The following SHISA9 variants were observed in gnomAD, a reference collection of about 807,000 sequenced individuals.
SHISA9 encodes protein shisa-9.
Under a neutral mutation model 38.0 loss-of-function variants are expected in SHISA9, and 13 were observed. That is an observed-to-expected ratio of 0.34 (90% CI 0.22 to 0.54). SHISA9 has a LOEUF of 0.54. Among genes scored for constraint, SHISA9 ranks in the 20% least tolerant of loss-of-function variants. The probability of loss-of-function intolerance (pLI) is 0.91; values close to 1 mark genes in which losing one functional copy is unlikely to be tolerated. For missense variants in SHISA9, 538 were observed against 575.8 expected, an observed-to-expected ratio of 0.93 and a Z score of 0.67; for synonymous variants, 275 against 242.0, an observed-to-expected ratio of 1.14 and a Z score of -1.27.
At chr16:13,186,219 TTGTG>T (rs139364811) in intron 2 of SHISA9, among the ~76,000 whole-genome samples, 2 of 149,550 alleles carry the variant, frequency 1.3e-5, no homozygotes, top group Non-Finnish European at 3.0e-5. Flanking sequence ...AAGCACATTG[TTGTG>T]TGTGTGTGTG....
intron 4 of SHISA9, among the ~76,000 whole-genome samples, chr16:13,230,975 CT>C (rs2051326407): frequency 6.6e-6 from 1 of 152,170 alleles, no homozygotes; most frequent in African/African-American, 2.4e-5. Context: ...TGGTCAGCTT[CT>C]TTACTGCAAC....
chr16:12,933,787 C>G lies in SHISA9; in HGVS notation c.691+16972C>G, dbSNP rs149746357. On this transcript the variant is annotated intron_variant, in intron 2 of 4. Coordinates refer to ENST00000558583, the MANE Select transcript of SHISA9 (RefSeq NM_001145204.3). The stretch of plus-strand genomic sequence containing the variant: ...TCAACAAATCTTTTTCTTGTGTTAT[C>G]TAGTTAGGCACTGTGTTAATGAACC... 4.7e-3 allele frequency among the ~76,000 whole-genome samples: 716 copies of G among 152,136 alleles called. 3 individuals carry two copies. Among genetic ancestry groups the G allele is most frequent in the Non-Finnish European group, 6.1e-3 (415 of 68,010 alleles).
intron 2 of SHISA9, among the ~76,000 whole-genome samples, chr16:13,142,936 G>A (rs956600463): frequency 2.0e-5 from 3 of 151,738 alleles, no homozygotes; most frequent in African/African-American, 7.3e-5. Flanking sequence ...CAAATTAGTG[G>A]GGATGAACTT....
chr16:12,933,523 C>T (rs1596536701), intron 2 of SHISA9, among the ~76,000 whole-genome samples: 1 of 152,110 alleles, frequency 6.6e-6, no homozygotes, highest in African/African-American at 2.4e-5. Flanking sequence ...GGATTCCTGA[C>T]CTCAGGCGAT....
chr16:13,504,889 C>T, the SHISA9 span, among the ~76,000 whole-genome samples: 5 of 152,170 alleles, frequency 3.3e-5, no homozygotes, highest in Admixed American at 3.3e-4. Flanking sequence ...AGTATCAGAA[C>T]CTTGATCTAA....
chr16:13,023,458 T>C (rs1427552020), intron 2 of SHISA9, among the ~76,000 whole-genome samples: 1 of 152,220 alleles, frequency 6.6e-6, no homozygotes, highest in Non-Finnish European at 1.5e-5. Context: ...TTTGCTATTG[T>C]GAATAGTGCC....
At chr16:13,069,274 G>A (rs115405764) in intron 2 of SHISA9, among the ~76,000 whole-genome samples, 37 of 152,158 alleles carry the variant, frequency 2.4e-4, no homozygotes, top group African/African-American at 6.7e-4. Context: ...CAATGTGTGC[G>A]TGTGTGTACC....
intron 2 of SHISA9, among the ~76,000 whole-genome samples, chr16:13,093,754 C>T (rs758370298): frequency 2.6e-5 from 4 of 152,252 alleles, no homozygotes; most frequent in East Asian, 1.9e-4. Flanking sequence ...CCTTTGCATC[C>T]GTTTGTGTCT....
the SHISA9 span, among the ~76,000 whole-genome samples, chr16:13,480,296 C>T: frequency 2.0e-5 from 3 of 152,044 alleles, no homozygotes; most frequent in Non-Finnish European, 2.9e-5. Flanking sequence ...GACATCATGC[C>T]GAAGACGTCA....
chr16:13,170,487 C>T (rs866125053), intron 2 of SHISA9, among the ~76,000 whole-genome samples: 1 of 152,126 alleles, frequency 6.6e-6, no homozygotes, highest in South Asian at 2.1e-4. Flanking sequence ...ACACTGGGGC[C>T]TGCCAGGGGT....
the SHISA9 span, among the ~76,000 whole-genome samples, chr16:13,382,162 T>C: frequency 6.6e-6 from 1 of 152,224 alleles, no homozygotes; most frequent in Non-Finnish European, 1.5e-5. Flanking sequence ...CGCTTTCATT[T>C]AGCATTTCTA....
chr16:13,180,978 G>A (rs539929640), intron 2 of SHISA9, among the ~76,000 whole-genome samples: 5 of 151,964 alleles, frequency 3.3e-5, no homozygotes, highest in African/African-American at 4.8e-5. Context: ...ATCCAAAAAC[G>A]TTCTGAGCAG....
the SHISA9 span, among the ~76,000 whole-genome samples, chr16:13,378,963 A>T: frequency 6.6e-6 from 1 of 152,172 alleles, no homozygotes; most frequent in Non-Finnish European, 1.5e-5. Context: ...TAAGTAACCA[A>T]CGATGTTGTT....
chr16:13,078,026 C>A (rs765797548), intron 2 of SHISA9, among the ~76,000 whole-genome samples: 4 of 152,064 alleles, frequency 2.6e-5, no homozygotes, highest in Non-Finnish European at 5.9e-5. Flanking sequence ...GCTTTATTGA[C>A]TAAAACCACA....
the SHISA9 span, among the ~76,000 whole-genome samples, chr16:13,245,640 A>G: frequency 1.3e-5 from 2 of 152,194 alleles, no homozygotes; most frequent in Non-Finnish European, 2.9e-5. Flanking sequence ...TCAAAGAGGT[A>G]AAAATTGCAC....
chr16:13,524,227 C>T, the SHISA9 span, among the ~76,000 whole-genome samples: 1 of 152,196 alleles, frequency 6.6e-6, no homozygotes, highest in Non-Finnish European at 1.5e-5. Flanking sequence ...TTGCAAAAAA[C>T]ACAAGCCTCA....
chr16:13,213,042 C>T (rs1051263353), intron 3 of SHISA9, among the ~76,000 whole-genome samples: 2 of 152,142 alleles, frequency 1.3e-5, no homozygotes, highest in Admixed American at 6.6e-5. Flanking sequence ...TGGGTGTTAA[C>T]GTGAGGCTGC....
intron 2 of SHISA9, among the ~76,000 whole-genome samples, chr16:12,940,820 A>G (rs2071600996): frequency 6.6e-6 from 1 of 152,198 alleles, no homozygotes; most frequent in Non-Finnish European, 1.5e-5. Flanking sequence ...CTCTTAAAAA[A>G]TGGTGGTGTT....
chr16:12,912,576 C>G (rs1467962916), intron 1 of SHISA9, among the ~76,000 whole-genome samples: 1 of 152,136 alleles, frequency 6.6e-6, no homozygotes, highest in Non-Finnish European at 1.5e-5. Flanking sequence ...CATGAAGAGC[C>G]TGTTTACAAG....
Sources: allele counts gnomAD v4.1 joint callset (sites outside exome capture counted in the v4.1 genomes callset), GRCh38; gene constraint gnomAD v4.1.1; transcripts MANE v1.5; gene names NCBI Gene and HGNC (gene_info 2026-07-23, HGNC 2026-07-21).